DEPDC1B: variants seen among roughly 807,000 people sequenced by gnomAD.
DEPDC1B encodes the protein DEP domain-containing protein 1B.
Under a neutral mutation model 66.5 loss-of-function variants are expected in DEPDC1B, and 51 were observed. The observed-to-expected ratio is 0.77, with a 90% CI of 0.61 to 0.97. The LOEUF is 0.97. Among genes scored for constraint, DEPDC1B ranks in the 50% least tolerant of loss-of-function variants. The probability of loss-of-function intolerance (pLI) is 0.00; values close to 1 mark genes in which losing one functional copy is unlikely to be tolerated. For synonymous variants in DEPDC1B, 226 were observed against 223.6 expected (o/e 1.01, Z -0.10); for missense variants, 552 against 637.1 (o/e 0.87, Z 1.44).
chr5:60,689,118 T>G, intron 1 of DEPDC1B: 1 of 452,922 alleles, frequency 2.2e-6, no homozygotes, highest in Non-Finnish European at 4.4e-6. Context: ...TGCCATATAC[T>G]GGTTGCACAG....
chr5:60,603,584 G>T lies in DEPDC1B; in HGVS notation c.1066-17C>A. The T allele has an allele frequency of 1.3e-6, 2 of 1,571,034 alleles. No homozygotes were observed. The highest frequency in any genetic ancestry group is 1.7e-6 in the Non-Finnish European group (2 of 1,165,236). ...CTGAACCATCTAAAAAAAGAGCGGGGTGGGGGGTAAACGCAGATGAGTATT... is the reference window on the plus strand; with the variant it reads ...CTGAACCATCTAAAAAAAGAGCGGGTTGGGGGGTAAACGCAGATGAGTATT... On this transcript the variant is annotated splice_polypyrimidine_tract_variant and intron_variant, in intron 8 of 10. Coordinates refer to ENST00000265036, the MANE Select transcript of DEPDC1B (RefSeq NM_018369.3).
At chr5:60,644,902 A>C in intron 4 of DEPDC1B, 27 bp from the exon 5 acceptor site, 1 of 1,523,492 alleles carries the variant, frequency 6.6e-7, no homozygotes, top group East Asian at 2.3e-5. Flanking sequence ...TATATTAATT[A>C]GTTCTGTCTT....
chr5:60,657,129 C>T (rs1420409954), intron 2 of DEPDC1B, among the ~76,000 whole-genome samples: 1 of 152,126 alleles, frequency 6.6e-6, no homozygotes, highest in Non-Finnish European at 1.5e-5. Flanking sequence ...CTTTTGGCAT[C>T]CATTTGCATG....
At chr5:60,626,420 C>CT (rs895876052) in intron 7 of DEPDC1B, among the ~76,000 whole-genome samples, 11 of 152,054 alleles carry the variant, frequency 7.2e-5, no homozygotes, top group African/African-American at 2.4e-4. Context: ...GTTCTCAATT[C>CT]TTTTGGGTGT....
At chr5:60,663,688 C>T (rs898794268) in intron 2 of DEPDC1B, among the ~76,000 whole-genome samples, 1 of 152,212 alleles carries the variant, frequency 6.6e-6, no homozygotes, top group African/African-American at 2.4e-5. Context: ...AAGACTTGAG[C>T]CAGTTCTCAT....
In DEPDC1B at chr5:60,662,101, A is replaced by C. The variant is rs185923717; in HGVS notation, c.315-14568T>G. 2.2e-4 allele frequency among the ~76,000 whole-genome samples: 33 copies of C among 152,090 alleles called. No homozygotes were observed. The East Asian group carries it at 6.2e-3, about 29-fold the overall frequency. ...GTCAGCTGCAGACATTAAAAAAAAA[A>C]CTTCAGGCCGGGCATGGTGATTCAC... is the stretch of plus-strand genomic sequence containing the variant. On this transcript the variant is annotated intron_variant, in intron 2 of 10. Coordinates refer to ENST00000265036, the MANE Select transcript of DEPDC1B (RefSeq NM_018369.3).
At chr5:60,677,058 C>CA (rs1362606647) in intron 2 of DEPDC1B, among the ~76,000 whole-genome samples, 2 of 152,070 alleles carry the variant, frequency 1.3e-5, no homozygotes, top group African/African-American at 4.8e-5. Flanking sequence ...TGCATATGCC[C>CA]TTTTGCACTT....
intron 2 of DEPDC1B, among the ~76,000 whole-genome samples, chr5:60,666,134 G>A (rs542079616): frequency 6.6e-6 from 1 of 152,308 alleles, no homozygotes; most frequent in Admixed American, 6.5e-5. Context: ...CACCCCTCCA[G>A]ATCCGGGAGG....
intron 7 of DEPDC1B, among the ~76,000 whole-genome samples, chr5:60,625,575 C>A (rs900748803): frequency 6.6e-6 from 1 of 152,162 alleles, no homozygotes; most frequent in Non-Finnish European, 1.5e-5. Context: ...ATTTTAGCTC[C>A]ACCATTGGTT....
rs138746710 is a variant in DEPDC1B, at chr5:60,599,191, C to G, written c.1312G>C (p.Glu438Gln). The G allele has an allele frequency of 3.7e-6, 6 of 1,613,006 alleles. No individual in the cohort carries two copies. Among genetic ancestry groups the G allele is most frequent in the Non-Finnish European group, 5.1e-6 (6 of 1,179,590 alleles). Residue 438 changes from glutamate to glutamine, a missense_variant, in exon 10 of 11, where the codon GAG becomes CAG. Transcript: ENST00000265036. ...APSFCRQISPEEFEYQRSYGS... is the reference protein window; with the variant it reads ...APSFCRQISPQEFEYQRSYGS... ...TATGATCTTTGATATTCAAATTCCT[C>G]TGGACTAATTTGACGGCAAAATGAT...
At chr5:60,635,348 C>A (rs950778601) in intron 7 of DEPDC1B, among the ~76,000 whole-genome samples, 7 of 152,142 alleles carry the variant, frequency 4.6e-5, no homozygotes, top group African/African-American at 1.4e-4. Flanking sequence ...ACAAAAGAAC[C>A]AATGAATGGA....
At chr5:60,662,387 CA>C (rs879473828) in intron 2 of DEPDC1B, among the ~76,000 whole-genome samples, 26 of 136,426 alleles carry the variant, frequency 1.9e-4, no homozygotes, top group East Asian at 4.4e-4. Context: ...GACTCCGTCT[CA>C]AAAAAAAAAA....
intron 4 of DEPDC1B, among the ~76,000 whole-genome samples, chr5:60,645,203 G>A (rs536626098): frequency 3.9e-5 from 6 of 152,268 alleles, no homozygotes; most frequent in Admixed American, 1.3e-4. Flanking sequence ...AAATTTTGCT[G>A]TATATGATTG....
chr5:60,689,342 A>T (rs1469532958), intron 1 of DEPDC1B, among the ~76,000 whole-genome samples: 1 of 152,242 alleles, frequency 6.6e-6, no homozygotes, highest in Non-Finnish European at 1.5e-5. Flanking sequence ...ATCAGGAAGC[A>T]AATAAATGAC....
chr5:60,644,967 C>A, intron 4 of DEPDC1B, 92 bp from the exon 5 acceptor site: 1 of 1,046,136 alleles, frequency 9.6e-7, no homozygotes, highest in South Asian at 2.2e-5. Flanking sequence ...CTTTATAATG[C>A]TTTATTTTCA....
chr5:60,681,550 T>C (rs1754296947), intron 2 of DEPDC1B, among the ~76,000 whole-genome samples: 1 of 152,184 alleles, frequency 6.6e-6, no homozygotes, highest in Non-Finnish European at 1.5e-5. Context: ...GAAGCAACTG[T>C]TCCACCAGAT....
intron 2 of DEPDC1B, among the ~76,000 whole-genome samples, chr5:60,662,918 C>T (rs1162161784): frequency 3.3e-5 from 5 of 152,122 alleles, no homozygotes; most frequent in African/African-American, 4.8e-5. Context: ...TCTCCTGTCC[C>T]GGCCAACTGT....
chr5:60,610,143 T>C (rs749778417), intron 7 of DEPDC1B, among the ~76,000 whole-genome samples: 4 of 152,190 alleles, frequency 2.6e-5, no homozygotes, highest in Non-Finnish European at 4.4e-5. Context: ...GAATGAATGA[T>C]ATGAATGAAT....
In DEPDC1B at chr5:60,645,584, T is replaced by G; in HGVS notation, c.486A>C (p.Ala162=). The part of the protein sequence containing the change: ...SEMWYKRHSI[A]IGEVPACRLV... ...GACGGCAAGCTGGCACCTCTCCAAT[T>G]GCAATACTGTGACGCTTGTACCACA... Residue 162 remains alanine, a synonymous_variant, in exon 4 of 11, where the codon GCA becomes GCC. Coordinates refer to ENST00000265036, the MANE Select transcript of DEPDC1B (RefSeq NM_018369.3). 6.2e-7 allele frequency: 1 copy of G among 1,613,016 alleles called. No homozygotes were observed. Among genetic ancestry groups the G allele is most frequent in the African/African-American group, 1.3e-5 (1 of 74,942 alleles).
Sources: gnomAD v4.1 joint callset for allele counts (sites outside exome capture counted in the v4.1 genomes callset) on GRCh38, gnomAD v4.1.1 for gene constraint, MANE v1.5 for transcripts, NCBI Gene and HGNC (gene_info 2026-07-23, HGNC 2026-07-21) for gene names.